Variants in RBM47 observed in about 807,000 individuals in gnomAD.
RBM47 encodes the protein RNA binding motif protein 47.
In RBM47, 21 loss-of-function variants were observed where a neutral mutation model predicts 47.1. The ratio of observed to expected loss-of-function variants is 0.45; its 90% confidence interval spans 0.32 to 0.64. RBM47 has a LOEUF of 0.64. Ranked by LOEUF, RBM47 falls within the 30% of genes least tolerant of loss-of-function variation. RBM47 has a pLI of 0.05. For synonymous variants in RBM47, 375 were observed against 361.7 expected (o/e 1.04, Z -0.42); for missense variants, 708 against 870.9 (o/e 0.81, Z 2.35).
intron 1 of RBM47, among the ~76,000 whole-genome samples, chr4:40,624,914 C>T (rs1453776004): frequency 0.021 from 26 of 1,244 alleles, no homozygotes; most frequent in African/African-American, 0.18. Context: ...TGCAGTGGCG[C>T]GATCAGCTCA....
At chr4:40,448,364 C>T (rs965832606) in intron 3 of RBM47, among the ~76,000 whole-genome samples, 5 of 151,990 alleles carry the variant, frequency 3.3e-5, no homozygotes, top group African/African-American at 1.2e-4. Flanking sequence ...TATTTGCTGA[C>T]CAACTGACAA....
intron 5 of RBM47, among the ~76,000 whole-genome samples, chr4:40,433,667 G>A (rs1240501021): frequency 6.6e-6 from 1 of 151,944 alleles, no homozygotes; most frequent in East Asian, 1.9e-4. Flanking sequence ...TAAGAAACAG[G>A]TGCTGTTGAG....
intron 2 of RBM47, among the ~76,000 whole-genome samples, chr4:40,519,444 T>C (rs1366925031): frequency 6.6e-6 from 1 of 150,582 alleles, no homozygotes; most frequent in Non-Finnish European, 1.5e-5. Context: ...ATTACAGGTG[T>C]GCACCACCAC....
At chr4:40,602,978 C>G (rs1735420658) in intron 1 of RBM47, among the ~76,000 whole-genome samples, 1 of 152,030 alleles carries the variant, frequency 6.6e-6, no homozygotes, top group South Asian at 2.1e-4. Context: ...TGCTTGAGCC[C>G]AGGAGTTCAA....
In RBM47 at chr4:40,425,259, T is replaced by C. The variant is rs914615317; in HGVS notation, c.*645A>G. Reference sequence around the variant, plus strand: ...GAAGTGCGGCAAGTCTTTTCAATGTTGGCTTAAGGAGAGATCCAGTGTTTA... The same window carrying C: ...GAAGTGCGGCAAGTCTTTTCAATGTCGGCTTAAGGAGAGATCCAGTGTTTA... On this transcript the variant is annotated 3_prime_UTR_variant, in exon 7 of 7. Coordinates refer to ENST00000295971, the MANE Select transcript of RBM47 (RefSeq NM_001098634.2). 1 of 152,646 alleles carries C rather than the reference T, an allele frequency of 6.6e-6. No homozygotes were observed. Among genetic ancestry groups the C allele is most frequent in the Non-Finnish European group, 1.5e-5 (1 of 68,054 alleles). The allele number at this position is 152,646 out of a possible 1,614,324, so 9.5% of individuals were successfully genotyped here. A position where few individuals can be genotyped will look rare whatever the true frequency, so the allele number is the denominator to read the frequency against.
chr4:40,603,790 C>T (rs1427512229), intron 1 of RBM47, among the ~76,000 whole-genome samples: 7 of 152,032 alleles, frequency 4.6e-5, no homozygotes, highest in Non-Finnish European at 8.8e-5. Context: ...TTTGTAGAGA[C>T]GGGGTTTCAC....
chr4:40,564,344 G>A (rs140427411), intron 1 of RBM47, among the ~76,000 whole-genome samples: 1 of 152,350 alleles, frequency 6.6e-6, no homozygotes, highest in East Asian at 1.9e-4. Flanking sequence ...CAAAGCAGCT[G>A]CCAGTCTGGA....
chr4:40,430,459 C>T (rs1334144506), intron 6 of RBM47, among the ~76,000 whole-genome samples: 4 of 152,170 alleles, frequency 2.6e-5, no homozygotes, highest in East Asian at 3.8e-4. Flanking sequence ...AAATATTTAC[C>T]GTCAGTCCAC....
intron 1 of RBM47, among the ~76,000 whole-genome samples, chr4:40,545,244 G>GT (rs1298146664): frequency 6.6e-6 from 1 of 150,572 alleles, no homozygotes; most frequent in Non-Finnish European, 1.5e-5. Context: ...GTAGAGACGG[G>GT]GTTTCACCAT....
intron 1 of RBM47, among the ~76,000 whole-genome samples, chr4:40,609,467 C>A (rs1398105459): frequency 2.0e-5 from 3 of 151,528 alleles, no homozygotes; most frequent in Admixed American, 1.3e-4. Flanking sequence ...CACCCGCCAC[C>A]ACGCCCGGCT....
intron 2 of RBM47, among the ~76,000 whole-genome samples, chr4:40,518,158 C>CTTTTTT (rs530465415): frequency 3.0e-4 from 21 of 70,688 alleles, no homozygotes; most frequent in South Asian, 7.2e-4. Flanking sequence ...CTTTTCTTTT[C>CTTTTTT]TTTTTTTTTT....
At chr4:40,589,981 G>GA (rs906023546) in intron 1 of RBM47, among the ~76,000 whole-genome samples, 61 of 147,320 alleles carry the variant, frequency 4.1e-4, no homozygotes, top group Admixed American at 1.4e-3. Flanking sequence ...ACGCCTATTA[G>GA]AAAAAAAAAA....
chr4:40,611,579 A>G (rs369245357), intron 1 of RBM47, among the ~76,000 whole-genome samples: 5 of 148,950 alleles, frequency 3.4e-5, no homozygotes, highest in African/African-American at 1.2e-4. Flanking sequence ...AAAAAAAAAA[A>G]TTAGCTGGGT....
At chr4:40,536,284 C>T (rs964257112) in intron 2 of RBM47, among the ~76,000 whole-genome samples, 4 of 152,148 alleles carry the variant, frequency 2.6e-5, no homozygotes, top group African/African-American at 9.7e-5. Flanking sequence ...ACCCAAAGTG[C>T]AGCCCGGGAT....
chr4:40,436,801 A>C, intron 4 of RBM47, 154 bp from the exon 5 acceptor site: 1 of 752,124 alleles, frequency 1.3e-6, no homozygotes. Flanking sequence ...TGCTTCCAAC[A>C]TTCTATTTCA....
intron 2 of RBM47, among the ~76,000 whole-genome samples, chr4:40,504,510 C>G (rs1447388884): frequency 1.3e-5 from 2 of 152,072 alleles, no homozygotes; most frequent in Admixed American, 1.3e-4. Context: ...CCAGGCTGAT[C>G]TCGAACTCCT....
At chr4:40,500,327 A>G (rs934862118) in intron 2 of RBM47, among the ~76,000 whole-genome samples, 2 of 151,980 alleles carry the variant, frequency 1.3e-5, no homozygotes, top group African/African-American at 2.4e-5. Flanking sequence ...CCAAAAAAAA[A>G]AGGGCTGGAC....
intron 1 of RBM47, among the ~76,000 whole-genome samples, chr4:40,575,792 G>A (rs185043308): frequency 4.5e-4 from 69 of 152,296 alleles, no homozygotes; most frequent in African/African-American, 1.6e-3. Flanking sequence ...GTGATATTTG[G>A]TCATCTGGAA....
chr4:40,520,850 G>A (rs575039138), intron 2 of RBM47, among the ~76,000 whole-genome samples: 27 of 152,272 alleles, frequency 1.8e-4, no homozygotes, highest in Non-Finnish European at 3.7e-4. Context: ...TACACTGTCC[G>A]GTGCTGCCTA....
Sources: allele counts gnomAD v4.1 joint callset (sites outside exome capture counted in the v4.1 genomes callset), GRCh38; gene constraint gnomAD v4.1.1; transcripts MANE v1.5; gene names NCBI Gene and HGNC (gene_info 2026-07-23, HGNC 2026-07-21).